Variants in KTN1 observed in about 807,000 individuals in gnomAD.
KTN1 encodes kinectin 1.
Under a neutral mutation model 222.5 loss-of-function variants are expected in KTN1, and 130 were observed. The observed-to-expected ratio is 0.58, with a 90% CI of 0.51 to 0.68. The LOEUF is 0.68. KTN1 is among the 30% of genes least tolerant of loss of function. The pLI, the probability that KTN1 is intolerant of heterozygous loss-of-function variation, is 0.00. For synonymous variants in KTN1, 512 were observed against 496.3 expected, an observed-to-expected ratio of 1.03 and a Z score of -0.42; for missense variants, 1,508 against 1,500.4, an observed-to-expected ratio of 1.01 and a Z score of -0.08.
At chr14:55,612,634 T>C (rs1160189959) in intron 2 of KTN1, 63 bp downstream of exon 2, 4 of 1,315,162 alleles carry the variant, frequency 3.0e-6, no homozygotes, top group Admixed American at 2.5e-5. Flanking sequence ...AATTGAGATA[T>C]TCTGTTAGGT....
chr14:55,615,808 TTTCCTTCCTTTCCTTCCCTTCCC>T (rs2038274880), intron 2 of KTN1, among the ~76,000 whole-genome samples: 2 of 151,822 alleles, frequency 1.3e-5, no homozygotes, highest in Admixed American at 6.6e-5. Flanking sequence ...CCTTCCTTCT[TTTCCTTCCTTTCCTTCCCTTCCC>T]TTCCTTCTTT....
intron 33 of KTN1, among the ~76,000 whole-genome samples, chr14:55,666,350 G>C (rs1254731240): frequency 6.6e-6 from 1 of 151,726 alleles, no homozygotes; most frequent in African/African-American, 2.4e-5. Context: ...CTTGTCACCT[G>C]TTGAACTTTG....
intron 29 of KTN1, among the ~76,000 whole-genome samples, chr14:55,657,397 G>GTTTTTTTTTTTTTTTTTTTTTTTTT (rs35297700): frequency 1.5e-5 from 2 of 137,674 alleles, no homozygotes; most frequent in African/African-American, 2.7e-5. Context: ...CTGAGTTGAC[G>GTTTTTTTTTTTTTTTTTTTTTTTTT]TTTTTTTTTT....
chr14:55,631,976 A>G (rs970865497), intron 7 of KTN1, among the ~76,000 whole-genome samples: 1 of 152,178 alleles, frequency 6.6e-6, no homozygotes, highest in Non-Finnish European at 1.5e-5. Context: ...TCTGCTAAAA[A>G]TTTTAAAATA....
intron 34 of KTN1, among the ~76,000 whole-genome samples, chr14:55,669,154 T>A (rs2045204050): frequency 6.6e-6 from 1 of 152,062 alleles, no homozygotes; most frequent in Non-Finnish European, 1.5e-5. Context: ...GGCAGTACTT[T>A]ATGAGCCAAG....
At chr14:55,654,996 T>A (rs748161187) in intron 28 of KTN1, among the ~76,000 whole-genome samples, 1 of 152,170 alleles carries the variant, frequency 6.6e-6, no homozygotes, top group Non-Finnish European at 1.5e-5. Flanking sequence ...TTCTTTTTTT[T>A]TGGGACAGAG....
intron 30 of KTN1, 50 bp downstream of exon 30, chr14:55,658,664 T>A: frequency 9.3e-7 from 1 of 1,076,212 alleles, no homozygotes; most frequent in East Asian, 2.4e-5. Context: ...AAAAAAATTA[T>A]ATAACCAGTG....
chr14:55,612,889 C>G (rs551908848), intron 2 of KTN1, among the ~76,000 whole-genome samples: 4 of 107,298 alleles, frequency 3.7e-5, no homozygotes, highest in African/African-American at 1.2e-4. Context: ...CTCATCTCTA[C>G]AAGAAATTAA....
At chr14:55,631,341 G>GAGATATATATATATATATATATAT (rs71448461) in intron 7 of KTN1, among the ~76,000 whole-genome samples, 16 of 114,718 alleles carry the variant, frequency 1.4e-4, no homozygotes, top group Non-Finnish European at 2.2e-4. Flanking sequence ...TGATAAGGTT[G>GAGATATATATATATATATATATAT]ATATATATAT....
At chr14:55,676,910 G>A (rs774913532) in intron 41 of KTN1, among the ~76,000 whole-genome samples, 20 of 152,158 alleles carry the variant, frequency 1.3e-4, no homozygotes, top group Non-Finnish European at 2.6e-4. Flanking sequence ...TTAATACACT[G>A]TTGTGGTTGA....
At chr14:55,600,545 T>C (rs1443834540) in intron 1 of KTN1, among the ~76,000 whole-genome samples, 2 of 152,170 alleles carry the variant, frequency 1.3e-5, no homozygotes, top group African/African-American at 2.4e-5. Context: ...TCATCCCTGC[T>C]TTTCAAACAT....
In KTN1 at chr14:55,683,995, C is replaced by G. The variant is rs928722890; in HGVS notation, c.4070-104C>G. 33 of 911,408 alleles carry G rather than the reference C, an allele frequency of 3.6e-5. 2 individuals are homozygous for G. The South Asian group carries it at 5.3e-4, about 15-fold the overall frequency. The allele number at this position is 911,408 out of a possible 1,614,324, so 56.5% of individuals were successfully genotyped here. On this transcript the variant is annotated intron_variant, in intron 43 of 43. Transcript: ENST00000395314. ...TTTGAGTCTATTTGAAAGGGCCATG[C>G]TAGATCAAATGGAATATGTACTTTT...
intron 5 of KTN1, among the ~76,000 whole-genome samples, chr14:55,626,029 T>C (rs2039777345): frequency 6.6e-6 from 1 of 152,162 alleles, no homozygotes; most frequent in South Asian, 2.1e-4. Context: ...TGGCTTGACA[T>C]TGACTGCTCT....
intron 34 of KTN1, chr14:55,668,352 C>G (rs916589167): frequency 1.3e-5 from 2 of 151,988 alleles, no homozygotes; most frequent in African/African-American, 4.8e-5. Flanking sequence ...CAGCAACACC[C>G]CACCTCCTTT....
intron 5 of KTN1, among the ~76,000 whole-genome samples, chr14:55,624,884 G>A (rs1421013249): frequency 6.6e-6 from 1 of 152,160 alleles, no homozygotes; most frequent in Non-Finnish European, 1.5e-5. Context: ...GATATCCTTA[G>A]TAAAAGCAGT....
Position 55,641,900 on chromosome 14 carries a change from G to C in KTN1, c.2172+140G>C, listed in dbSNP as rs2041845542. The C allele has an allele frequency of 1.1e-5, 7 of 626,824 alleles. No homozygotes were observed. In the South Asian group the frequency reaches 1.4e-4, roughly 13 times the overall value. 38.8% of individuals were successfully genotyped at this position (626,824 alleles called of 1,614,324 possible). A position where few individuals can be genotyped will look rare whatever the true frequency, so the allele number is the denominator to read the frequency against. ...CTGTTATTGCCTTTCTATTCATCCT[G>C]TATCTAAATTCAGGAAATTTTTTCT... On this transcript the variant is annotated intron_variant, in intron 18 of 43. Coordinates refer to ENST00000395314, the MANE Select transcript of KTN1 (RefSeq NM_001079521.2).
In KTN1 at chr14:55,675,891, AC is replaced by A; in HGVS notation, c.3829del (p.Gln1277ArgfsTer3). On this transcript the variant is annotated frameshift_variant, in exon 41 of 44. Transcript: ENST00000395314. LOFTEE classifies it high-confidence loss of function. ...AACTTAGAACTGAACAAAATGAAAG[AC>A]AGAAGGTAGCTGGTGATTTGCATAA... is the stretch of plus-strand genomic sequence containing the variant. Reference protein sequence around the residue: ...TKLRTEQNERQKVAGDLHKAQ... With the variant: ...TKLRTEQNERXKVAGDLHKAQ... 6.2e-7 allele frequency: 1 copy of A among 1,613,408 alleles called. No individual in the cohort carries two copies. The highest frequency in any genetic ancestry group is 8.5e-7 in the Non-Finnish European group (1 of 1,179,416).
At chr14:55,629,436 A>G (rs2040255611) in intron 6 of KTN1, among the ~76,000 whole-genome samples, 1 of 151,628 alleles carries the variant, frequency 6.6e-6, no homozygotes, top group Non-Finnish European at 1.5e-5. Flanking sequence ...AAAAAAAAAA[A>G]AAAAGATTTG....
At chr14:55,646,461 TTTCC>T (rs1280036157) in intron 18 of KTN1, among the ~76,000 whole-genome samples, 2 of 9,504 alleles carry the variant, frequency 2.1e-4, no homozygotes, top group East Asian at 5.6e-3. Flanking sequence ...TCCTTTTCCT[TTTCC>T]TTTCCTTTCC....
Sources: gnomAD v4.1 joint callset for allele counts (sites outside exome capture counted in the v4.1 genomes callset) on GRCh38, gnomAD v4.1.1 for gene constraint, MANE v1.5 for transcripts, NCBI Gene and HGNC (gene_info 2026-07-23, HGNC 2026-07-21) for gene names.